Variants in P2RX1 observed in about 807,000 individuals in gnomAD.
The protein encoded by P2RX1 is purinergic receptor P2X 1, also known as P2X purinoceptor 1.
In P2RX1, 42 loss-of-function variants were observed where a neutral mutation model predicts 50.3. The ratio of observed to expected loss-of-function variants is 0.83; its 90% confidence interval spans 0.65 to 1.08. The LOEUF is 1.08. Ranked by LOEUF, P2RX1 falls within the 50% of genes least tolerant of loss-of-function variation. P2RX1 has a pLI of 0.00. For synonymous variants in P2RX1, 199 were observed against 202.6 expected (o/e 0.98, Z 0.15); for missense variants, 449 against 529.0 (o/e 0.85, Z 1.48).
chr17:3,898,464 C>A lies in P2RX1; in HGVS notation c.1032+20G>T, dbSNP rs748730642. 1 of 1,602,240 alleles carries A rather than the reference C, an allele frequency of 6.2e-7. No homozygotes were observed. Among genetic ancestry groups the A allele is most frequent in the Admixed American group, 1.7e-5 (1 of 59,962 alleles). Reference sequence around the variant, plus strand: ...GAGGGGCCAACCCCAGCACAGTGAGCCGGTGACCCCAGCACTTACCACCCC... The same window carrying A: ...GAGGGGCCAACCCCAGCACAGTGAGACGGTGACCCCAGCACTTACCACCCC... On this transcript the variant is annotated intron_variant, in intron 10 of 11. Transcript: ENST00000225538.
intron 3 of P2RX1, 39 bp from the exon 4 acceptor site, chr17:3,904,438 G>T (rs1338215448): frequency 6.3e-7 from 1 of 1,584,182 alleles, no homozygotes; most frequent in Non-Finnish European, 8.6e-7. Flanking sequence ...GGCCCCTTGG[G>T]TGGGGTCCTG....
intron 1 of P2RX1, among the ~76,000 whole-genome samples, chr17:3,912,160 G>A (rs2056376358): frequency 6.6e-6 from 1 of 152,116 alleles, no homozygotes; most frequent in South Asian, 2.1e-4. Flanking sequence ...TGAGAACCAA[G>A]ACTGGACCCG....
chr17:3,904,992 C>G (rs1379221430), intron 2 of P2RX1, 63 bp from the exon 3 acceptor site: 9 of 1,274,204 alleles, frequency 7.1e-6, no homozygotes, highest in Non-Finnish European at 6.7e-6. Context: ...GCCCCAAGGG[C>G]CCCACCGCTG....
In P2RX1 at chr17:3,903,511, C is replaced by G. The variant is rs368603364; in HGVS notation, c.605+40G>C. On this transcript the variant is annotated intron_variant, in intron 6 of 11. Coordinates refer to ENST00000225538, the MANE Select transcript of P2RX1 (RefSeq NM_002558.4). The surrounding 1 kb of genome is among the most constrained non-coding windows in gnomAD (Gnocchi z 4.6). ...CAGCTGAGAGCTGCCGGAGCGGCCC[C>G]GGCCAGCTGCCTGCATTTCTGCCCG... 6.2e-6 allele frequency: 10 copies of G among 1,606,078 alleles called. No homozygotes were observed. The African/African-American group carries it at 9.4e-5, about 15-fold the overall frequency.
intron 1 of P2RX1, among the ~76,000 whole-genome samples, chr17:3,907,000 G>A (rs2056277566): frequency 6.6e-6 from 1 of 152,208 alleles, no homozygotes; most frequent in South Asian, 2.1e-4. Context: ...CTTCTGGAGA[G>A]AGCAATCCTG....
chr17:3,900,871 T>A (rs183027699), intron 7 of P2RX1, among the ~76,000 whole-genome samples: 83 of 152,202 alleles, frequency 5.5e-4, no homozygotes, highest in East Asian at 2.3e-3. Flanking sequence ...AAAGAAGGAA[T>A]CTGTGAAGAC....
chr17:3,916,186 A>C lies in P2RX1; in HGVS notation c.40T>G (p.Phe14Val). The change falls in exon 1 of 12, where the codon TTC becomes GTC. Residue 14 changes from phenylalanine to valine, a missense_variant. Coordinates refer to ENST00000225538, the MANE Select transcript of P2RX1 (RefSeq NM_002558.4). ...RFQEELAAFL[F>V]EYDTPRMVLV... is the part of the protein sequence containing the mutation. ...ACCATGCGGGGGGTGTCATACTCGA[A>C]GAGGAAGGCGGCCAGCTCCTCCTGG... 6.2e-7 allele frequency: 1 copy of C among 1,613,282 alleles called. No individual in the cohort carries two copies. Among genetic ancestry groups the C allele is most frequent in the Non-Finnish European group, 8.5e-7 (1 of 1,180,010 alleles).
At chr17:3,899,123 G>C (rs1017473439) in intron 8 of P2RX1, 99 bp from the exon 9 acceptor site, 10 of 839,044 alleles carry the variant, frequency 1.2e-5, no homozygotes, top group Admixed American at 7.1e-5. Flanking sequence ...AGTGGTCTCT[G>C]AGTACAGCCT....
intron 1 of P2RX1, among the ~76,000 whole-genome samples, chr17:3,911,639 C>T (rs1268893365): frequency 6.6e-6 from 1 of 151,784 alleles, no homozygotes; most frequent in Non-Finnish European, 1.5e-5. Flanking sequence ...GACATCCTGT[C>T]TTGGCTCCCT....
At chr17:3,911,688 T>C (rs2144066618) in intron 1 of P2RX1, among the ~76,000 whole-genome samples, 1 of 152,318 alleles carries the variant, frequency 6.6e-6, no homozygotes, top group South Asian at 2.1e-4. Context: ...CAGCCTGGTG[T>C]TCAAAGGCCT....
intron 1 of P2RX1, among the ~76,000 whole-genome samples, 155 bp from the exon 2 acceptor site, chr17:3,905,522 C>G (rs1012791466): frequency 6.6e-6 from 1 of 152,210 alleles, no homozygotes; most frequent in Non-Finnish European, 1.5e-5. Flanking sequence ...CCCTGCCTCC[C>G]GCTGCTGGCC....
Position 3,897,894 on chromosome 17 carries a change from C to A in P2RX1, c.1135-15G>T. ...TCACGCTCAGCCTGTGTACGTGGTGCAAGGGTTGGGGGATACAAGTCAGTG... is the reference window on the plus strand; with the variant it reads ...TCACGCTCAGCCTGTGTACGTGGTGAAAGGGTTGGGGGATACAAGTCAGTG... On this transcript the variant is annotated splice_polypyrimidine_tract_variant and intron_variant, in intron 11 of 11. Coordinates refer to ENST00000225538, the MANE Select transcript of P2RX1 (RefSeq NM_002558.4). 6.2e-7 allele frequency: 1 copy of A among 1,613,950 alleles called. No homozygotes were observed. The highest frequency in any genetic ancestry group is 1.1e-5 in the South Asian group (1 of 91,074).
intron 1 of P2RX1, among the ~76,000 whole-genome samples, chr17:3,912,944 A>T (rs1242825547): frequency 2.6e-5 from 4 of 152,086 alleles, no homozygotes; most frequent in Admixed American, 2.6e-4. Context: ...GAAGAGACCC[A>T]GAGGGACTGG....
Position 3,903,673 on chromosome 17 carries a change from C to T in P2RX1, c.525-42G>A, listed in dbSNP as rs2056198329. The T allele has an allele frequency of 1.3e-6, 2 of 1,589,104 alleles. No homozygotes were observed. Among genetic ancestry groups the T allele is most frequent in the Non-Finnish European group, 1.7e-6 (2 of 1,158,320 alleles). ...GCACTCACCGCCCCTCCCCAGGAGGCCCCCTGTGTGTCCCACACAGAGCTT... is the reference window on the plus strand; with the variant it reads ...GCACTCACCGCCCCTCCCCAGGAGGTCCCCTGTGTGTCCCACACAGAGCTT... On this transcript the variant is annotated intron_variant, in intron 5 of 11. Coordinates refer to ENST00000225538, the MANE Select transcript of P2RX1 (RefSeq NM_002558.4). This position sits in a 1 kb window ranked among gnomAD's most constrained non-coding sequence, Gnocchi z 4.6.
In P2RX1 at chr17:3,904,896, T is replaced by G; in HGVS notation, c.319A>C (p.Ile107Leu). The G allele has an allele frequency of 6.3e-7, 1 of 1,586,256 alleles. No individual in the cohort carries two copies. The highest frequency in any genetic ancestry group is 8.5e-7 in the Non-Finnish European group (1 of 1,171,904). The change falls in exon 3 of 12, where the codon ATC becomes CTC. Residue 107 changes from isoleucine (I) to leucine (L), a missense_variant. Transcript: ENST00000225538. ...DNSFVVMTNF[I>L]VTPKQTQGYC... is the part of the protein sequence containing the mutation. ...CCTTGAGTCTGCTTCGGGGTCACGA[T>G]GAAATTGGTCATGACCACGAAGGAG... is the stretch of plus-strand genomic sequence containing the variant.
chr17:3,910,727 C>T (rs1380171597), intron 1 of P2RX1, among the ~76,000 whole-genome samples: 1 of 152,178 alleles, frequency 6.6e-6, no homozygotes, highest in Non-Finnish European at 1.5e-5. Context: ...AGACTCCAGG[C>T]CTGGGAGGGA....
rs1389396628 is a variant in P2RX1, at chr17:3,897,519, G to A, written c.*295C>T. The A allele has an allele frequency of 1.9e-6, 1 of 538,096 alleles. No homozygotes were observed. Among genetic ancestry groups the A allele is most frequent in the Non-Finnish European group, 3.4e-6 (1 of 297,358 alleles). The allele number at this position is 538,096 out of a possible 1,614,324, so 33.3% of individuals were successfully genotyped here. A position where few individuals can be genotyped will look rare whatever the true frequency, so the allele number is the denominator to read the frequency against. ...GTTGGATAATGAGAGTCCGGAGAGAGAAGCACGAAGCTAGGGTGCAGGTGT... is the reference window on the plus strand; with the variant it reads ...GTTGGATAATGAGAGTCCGGAGAGAAAAGCACGAAGCTAGGGTGCAGGTGT... On this transcript the variant is annotated 3_prime_UTR_variant, in exon 12 of 12. Coordinates refer to ENST00000225538, the MANE Select transcript of P2RX1 (RefSeq NM_002558.4).
In P2RX1 at chr17:3,903,679, G is replaced by A; in HGVS notation, c.525-48C>T. ...ACCGCCCCTCCCCAGGAGGCCCCCTGTGTGTCCCACACAGAGCTTGGCACA... is the reference window on the plus strand; with the variant it reads ...ACCGCCCCTCCCCAGGAGGCCCCCTATGTGTCCCACACAGAGCTTGGCACA... On this transcript the variant is annotated intron_variant, in intron 5 of 11. Coordinates refer to ENST00000225538, the MANE Select transcript of P2RX1 (RefSeq NM_002558.4). The surrounding 1 kb of genome is among the most constrained non-coding windows in gnomAD (Gnocchi z 4.6). The A allele has an allele frequency of 2.5e-6, 4 of 1,582,898 alleles. No individual in the cohort carries two copies. Among genetic ancestry groups the A allele is most frequent in the Non-Finnish European group, 2.6e-6 (3 of 1,152,878 alleles).
At chr17:3,913,907 A>G (rs964143004) in intron 1 of P2RX1, among the ~76,000 whole-genome samples, 1 of 152,186 alleles carries the variant, frequency 6.6e-6, no homozygotes, top group Non-Finnish European at 1.5e-5. Flanking sequence ...CCGGTTAGGA[A>G]GCTGAGTCCG....
Sources: allele counts gnomAD v4.1 joint callset (sites outside exome capture counted in the v4.1 genomes callset), GRCh38; gene constraint gnomAD v4.1.1; non-coding constraint Gnocchi (gnomAD v3.1); transcripts MANE v1.5; gene names NCBI Gene and HGNC (gene_info 2026-07-23, HGNC 2026-07-21).